The following PDE4D variants were observed in gnomAD, a reference collection of about 807,000 sequenced individuals.
The protein encoded by PDE4D is 3',5'-cyclic-AMP phosphodiesterase 4D.
In PDE4D, 24 loss-of-function variants were observed where a neutral mutation model predicts 87.4. The ratio of observed to expected loss-of-function variants is 0.27; its 90% confidence interval spans 0.20 to 0.39. PDE4D has a LOEUF of 0.39. Ranked by LOEUF, PDE4D falls within the 10% of genes least tolerant of loss-of-function variation. The pLI, the probability that PDE4D is intolerant of heterozygous loss-of-function variation, is 1.00. For synonymous variants in PDE4D, 384 were observed against 383.2 expected, an observed-to-expected ratio of 1.00 and a Z score of -0.02; for missense variants, 714 against 1,041.0, an observed-to-expected ratio of 0.69 and a Z score of 4.32.
At chr5:59,356,819 C>A (rs546658256) in intron 1 of PDE4D, 1 of 1,554,788 alleles carries the variant, frequency 6.4e-7, no homozygotes, top group Non-Finnish European at 8.6e-7. Context: ...GGCACCGTGG[C>A]TCCCAGAGGA....
intron 1 of PDE4D, among the ~76,000 whole-genome samples, chr5:59,706,479 G>A (rs1400378508): frequency 6.6e-6 from 1 of 152,138 alleles, no homozygotes; most frequent in Admixed American, 6.6e-5. Context: ...TGATTAAATC[G>A]AAGGGCTGAA....
At chr5:59,389,533 G>A (rs1787811984) in intron 1 of PDE4D, among the ~76,000 whole-genome samples, 1 of 152,018 alleles carries the variant, frequency 6.6e-6, no homozygotes, top group Non-Finnish European at 1.5e-5. Flanking sequence ...ATAGAAAACA[G>A]TATGGAAGTT....
At chr5:59,224,294 A>G (rs909762045) in intron 1 of PDE4D, among the ~76,000 whole-genome samples, 2 of 39,980 alleles carry the variant, frequency 5.0e-5, no homozygotes, top group Non-Finnish European at 8.2e-5. Flanking sequence ...ACACACACAT[A>G]CACACACACA....
At chr5:59,378,980 T>TTGTGTGTG (rs3061658) in intron 1 of PDE4D, among the ~76,000 whole-genome samples, 1 of 149,410 alleles carries the variant, frequency 6.7e-6, no homozygotes, top group Non-Finnish European at 1.5e-5. Flanking sequence ...GTGTGTGTGT[T>TTGTGTGTG]TGTGTGTGTG....
intron 3 of PDE4D, among the ~76,000 whole-genome samples, chr5:59,939,729 T>C (rs1423390550): frequency 2.8e-4 from 43 of 151,764 alleles, no homozygotes; most frequent in Admixed American, 2.8e-3. Context: ...ATAACTAATG[T>C]GAAGGAAGGA....
At chr5:59,136,440 C>T (rs1312014190) in intron 5 of PDE4D, among the ~76,000 whole-genome samples, 3 of 152,142 alleles carry the variant, frequency 2.0e-5, no homozygotes, top group Non-Finnish European at 4.4e-5. Context: ...AGGATGCCTG[C>T]AGTGTTATTT....
intron 1 of PDE4D, chr5:59,430,562 C>T (rs1220219868): frequency 5.8e-6 from 3 of 514,088 alleles, no homozygotes; most frequent in Non-Finnish European, 9.0e-6. Flanking sequence ...CAAAAGTAAA[C>T]GCGTGTTTCT....
chr5:60,325,914 T>C (rs1011344838), intron 1 of PDE4D, among the ~76,000 whole-genome samples: 1 of 152,162 alleles, frequency 6.6e-6, no homozygotes, highest in Non-Finnish European at 1.5e-5. Flanking sequence ...TTGAATCATA[T>C]AGTATGCAAC....
intron 5 of PDE4D, among the ~76,000 whole-genome samples, chr5:59,062,020 G>A (rs931836536): frequency 2.0e-5 from 3 of 152,064 alleles, no homozygotes; most frequent in Non-Finnish European, 4.4e-5. Flanking sequence ...AGCATCACCA[G>A]CGTCCACTCT....
At chr5:60,456,831 T>C (rs1746501369) in intron 1 of PDE4D, among the ~76,000 whole-genome samples, 1 of 152,174 alleles carries the variant, frequency 6.6e-6, no homozygotes, top group Non-Finnish European at 1.5e-5. Flanking sequence ...TTATCCTCTG[T>C]AGGAACACAA....
chr5:59,013,884 G>A (rs1161502686), intron 6 of PDE4D, among the ~76,000 whole-genome samples: 1 of 152,190 alleles, frequency 6.6e-6, no homozygotes, highest in East Asian at 1.9e-4. Flanking sequence ...GAACATCGAT[G>A]CAAAAATCCT....
intron 1 of PDE4D, among the ~76,000 whole-genome samples, chr5:59,571,238 C>T (rs540315633): frequency 2.0e-5 from 3 of 152,262 alleles, no homozygotes; most frequent in Non-Finnish European, 4.4e-5. Context: ...ACAATATATG[C>T]CAGGCTGATG....
intron 1 of PDE4D, among the ~76,000 whole-genome samples, chr5:59,379,383 A>C (rs1334369459): frequency 6.6e-6 from 1 of 152,212 alleles, no homozygotes; most frequent in Admixed American, 6.5e-5. Context: ...ATGAATATTC[A>C]TGATAGAAAT....
chr5:59,863,737 T>C (rs1278935930), intron 1 of PDE4D, among the ~76,000 whole-genome samples: 1 of 152,206 alleles, frequency 6.6e-6, no homozygotes, highest in Non-Finnish European at 1.5e-5. Context: ...ATGAGATGTC[T>C]TTTAGTTCCC....
chr5:59,715,395 C>T (rs904468841), intron 1 of PDE4D, among the ~76,000 whole-genome samples: 1 of 152,206 alleles, frequency 6.6e-6, no homozygotes, highest in Non-Finnish European at 1.5e-5. Context: ...GGCATCCCCC[C>T]CTATGCCCGA....
intron 1 of PDE4D, among the ~76,000 whole-genome samples, chr5:60,351,969 CTTT>C (rs1019080741): frequency 5.0e-5 from 7 of 138,720 alleles, no homozygotes; most frequent in Admixed American, 1.4e-4. Context: ...CCACACCCGG[CTTT>C]TTTTTTTTTT....
At chr5:60,403,311 G>C (rs1226096084) in intron 1 of PDE4D, among the ~76,000 whole-genome samples, 3 of 152,156 alleles carry the variant, frequency 2.0e-5, no homozygotes, top group Non-Finnish European at 4.4e-5. Flanking sequence ...AGAGCCAGTG[G>C]GATGATGTTT....
chr5:60,503,643 T>TTAAA (rs1170427911), intron 1 of PDE4D, among the ~76,000 whole-genome samples: 1 of 152,196 alleles, frequency 6.6e-6, no homozygotes, highest in East Asian at 1.9e-4. Flanking sequence ...CAAGGCATTA[T>TTAAA]TAAATGCCTT....
intron 1 of PDE4D, among the ~76,000 whole-genome samples, chr5:59,576,334 T>TA (rs1289834837): frequency 6.6e-6 from 1 of 152,112 alleles, no homozygotes; most frequent in Admixed American, 6.6e-5. Context: ...ATGATGTCTA[T>TA]AAAAAAATTA....
Sources: allele counts gnomAD v4.1 joint callset (sites outside exome capture counted in the v4.1 genomes callset), GRCh38; gene constraint gnomAD v4.1.1; transcripts MANE v1.5; gene names NCBI Gene and HGNC (gene_info 2026-07-23, HGNC 2026-07-21).